Variants in DSCAM observed in about 807,000 individuals in gnomAD.
DSCAM encodes DS cell adhesion molecule, also known as cell adhesion molecule DSCAM.
Under a neutral mutation model 217.7 loss-of-function variants are expected in DSCAM, and 47 were observed. The observed-to-expected ratio is 0.22, with a 90% CI of 0.17 to 0.28. DSCAM has a LOEUF of 0.28. Among genes scored for constraint, DSCAM ranks in the 10% least tolerant of loss-of-function variants. The pLI is 1.00. For missense variants in DSCAM, 2,080 were observed against 2,618.3 expected (o/e 0.79, Z 4.49); for synonymous variants, 1,056 against 1,015.3 (o/e 1.04, Z -0.76).
At chr21:40,814,398 A>ACCTTAGC (rs1255404415) in intron 1 of DSCAM, among the ~76,000 whole-genome samples, 5 of 152,260 alleles carry the variant, frequency 3.3e-5, no homozygotes, top group African/African-American at 1.2e-4. Context: ...GAAGTCCCAC[A>ACCTTAGC]CCTTAGCGTA....
At chr21:40,442,382 T>TTA in intron 3 of DSCAM, among the ~76,000 whole-genome samples, 2 of 151,686 alleles carry the variant, frequency 1.3e-5, no homozygotes, top group East Asian at 3.9e-4. Flanking sequence ...TTTTTTAAAT[T>TTA]TAAATATTTT....
chr21:40,084,368 A>G lies in DSCAM; in HGVS notation c.4133-362T>C, dbSNP rs2089503844. Among the ~76,000 whole-genome samples, 2 of 152,154 alleles carry G rather than the reference A, an allele frequency of 1.3e-5. 1 individual carries two copies. The highest frequency in any genetic ancestry group is 4.1e-4 in the South Asian group (2 of 4,828). ...ACTATGAATTTCAGCCATGAAATTT[A>G]AGTGAAAAAGATAAATGGCATCCAC... On this transcript the variant is annotated intron_variant, in intron 23 of 32. Transcript: ENST00000400454.
At chr21:40,200,971 A>C (rs1200230483) in intron 11 of DSCAM, among the ~76,000 whole-genome samples, 2 of 152,242 alleles carry the variant, frequency 1.3e-5, no homozygotes, top group East Asian at 3.8e-4. Flanking sequence ...AATCCTTATA[A>C]AGAAAATGAT....
intron 7 of DSCAM, 32 bp downstream of exon 7, chr21:40,339,087 G>T: frequency 2.5e-6 from 4 of 1,608,442 alleles, no homozygotes; most frequent in Non-Finnish European, 8.5e-7. Flanking sequence ...TGAGTTATGT[G>T]TGTTTTTTTG....
At chr21:40,310,910 T>G (rs923822043) in intron 9 of DSCAM, among the ~76,000 whole-genome samples, 4 of 152,228 alleles carry the variant, frequency 2.6e-5, no homozygotes, top group African/African-American at 9.6e-5. Context: ...TGTGTCTAAT[T>G]GAATATATAT....
chr21:40,710,809 T>C (rs968704287), intron 1 of DSCAM, among the ~76,000 whole-genome samples: 1 of 152,220 alleles, frequency 6.6e-6, no homozygotes, highest in Non-Finnish European at 1.5e-5. Flanking sequence ...AGCAGGTGCA[T>C]ACCTAGTTAC....
chr21:40,761,338 C>T (rs932965259), intron 1 of DSCAM, among the ~76,000 whole-genome samples: 6 of 151,908 alleles, frequency 3.9e-5, no homozygotes, highest in Admixed American at 3.3e-4. Flanking sequence ...TGGCTCATGG[C>T]CCCCCCTCTA....
Position 40,768,313 on chromosome 21 carries a change from G to A in DSCAM, c.44-59542C>T, listed in dbSNP as rs1261379864. On this transcript the variant is annotated intron_variant, in intron 1 of 32. Coordinates refer to ENST00000400454, the MANE Select transcript of DSCAM (RefSeq NM_001389.5). ...CCCACCTGCCTCATTACCTTACGGT[G>A]ACACCCCTCCCCCCACCCCCACCCT... Among the ~76,000 whole-genome samples, 3 of 151,734 alleles carry A rather than the reference G, an allele frequency of 2.0e-5. No individual in the cohort carries two copies. In the East Asian group the frequency reaches 5.9e-4, roughly 30 times the overall value.
intron 3 of DSCAM, among the ~76,000 whole-genome samples, chr21:40,653,088 T>C (rs1020060461): frequency 1.8e-4 from 28 of 152,242 alleles, no homozygotes. Flanking sequence ...AGCCTGTGCC[T>C]GGTCTTTCCT....
At chr21:40,286,804 G>A (rs529236424) in intron 10 of DSCAM, among the ~76,000 whole-genome samples, 69 of 140,414 alleles carry the variant, frequency 4.9e-4, no homozygotes, top group African/African-American at 1.9e-3. Context: ...TGATCTGCAG[G>A]TATCTGCAGT....
chr21:40,768,985 T>C (rs1601237334), intron 1 of DSCAM, among the ~76,000 whole-genome samples: 1 of 152,298 alleles, frequency 6.6e-6, no homozygotes, highest in East Asian at 1.9e-4. Flanking sequence ...AGACGTCCTT[T>C]GATGTCAGGG....
At chr21:40,654,113 G>GA (rs2090047426) in intron 3 of DSCAM, among the ~76,000 whole-genome samples, 1 of 151,250 alleles carries the variant, frequency 6.6e-6, no homozygotes, top group Non-Finnish European at 1.5e-5. Context: ...AAAGAAAAAA[G>GA]AAAAAAAGAA....
chr21:40,551,169 T>C (rs902510313), intron 3 of DSCAM, among the ~76,000 whole-genome samples: 1 of 152,128 alleles, frequency 6.6e-6, no homozygotes, highest in Admixed American at 6.6e-5. Flanking sequence ...CTGCAGGTGG[T>C]TGGGTTACAG....
chr21:40,607,058 T>A (rs1157451811), intron 3 of DSCAM, among the ~76,000 whole-genome samples: 2 of 152,194 alleles, frequency 1.3e-5, no homozygotes, highest in African/African-American at 4.8e-5. Flanking sequence ...CTGTATAAAT[T>A]ACCCAGTCTT....
chr21:40,361,523 G>T (rs9979729), intron 4 of DSCAM, among the ~76,000 whole-genome samples: 83,570 of 151,816 alleles, frequency 0.55, 23,531 homozygotes, highest in South Asian at 0.66. Flanking sequence ...GGAGGCTGAG[G>T]CAGGGGAATC....
chr21:40,179,883 T>A (rs2090780208), intron 14 of DSCAM, among the ~76,000 whole-genome samples: 1 of 152,182 alleles, frequency 6.6e-6, no homozygotes, highest in Admixed American at 6.5e-5. Context: ...AGTTGTTGAC[T>A]GTAGGTGTGT....
At chr21:40,058,033 G>A (rs1054317616) in intron 28 of DSCAM, among the ~76,000 whole-genome samples, 3 of 151,878 alleles carry the variant, frequency 2.0e-5, no homozygotes, top group South Asian at 2.1e-4. Flanking sequence ...CCACCACCAT[G>A]TCTGGCTTTT....
rs149332824 is a variant in DSCAM at position 40,732,280 on chromosome 21, A to T, written c.44-23509T>A. Among the ~76,000 whole-genome samples, 29 of 152,340 alleles carry T rather than the reference A, an allele frequency of 1.9e-4. 1 individual carries two copies. The East Asian group carries it at 5.2e-3, about 27-fold the overall frequency. ...CCTCCCTTCCTTTAAGAATGAAGTT[A>T]AAGAGAGGCAGATGCCACCACCATG... On this transcript the variant is annotated intron_variant, in intron 1 of 32. Coordinates refer to ENST00000400454, the MANE Select transcript of DSCAM (RefSeq NM_001389.5).
intron 3 of DSCAM, chr21:40,629,752 G>C (rs1447678290): frequency 6.6e-6 from 1 of 152,166 alleles, no homozygotes; most frequent in Non-Finnish European, 1.5e-5. Context: ...TTGATACAGT[G>C]ATTGTTCAAT....
Sources: allele counts gnomAD v4.1 joint callset (sites outside exome capture counted in the v4.1 genomes callset), GRCh38; gene constraint gnomAD v4.1.1; transcripts MANE v1.5; gene names NCBI Gene and HGNC (gene_info 2026-07-23, HGNC 2026-07-21).